The following PHKB variants were observed in gnomAD, a reference collection of about 807,000 sequenced individuals.
PHKB encodes the protein phosphorylase b kinase regulatory subunit beta.
A neutral mutation model predicts 152.1 loss-of-function variants in PHKB; 122 were observed. The ratio of observed to expected loss-of-function variants is 0.80; its 90% CI spans 0.69 to 0.93. The LOEUF (loss-of-function observed/expected upper bound fraction) is 0.93. Ranked by LOEUF, PHKB falls within the 40% of genes least tolerant of loss-of-function variation. The pLI, the probability that PHKB is intolerant of heterozygous loss-of-function variation, is 0.00. For synonymous variants in PHKB, 436 were observed against 464.9 expected, an observed-to-expected ratio of 0.94 and a Z score of 0.80; for missense variants, 1,304 against 1,328.4, an observed-to-expected ratio of 0.98 and a Z score of 0.29.
At chr16:47,624,704 G>A (rs980122397) in intron 14 of PHKB, among the ~76,000 whole-genome samples, 4 of 151,896 alleles carry the variant, frequency 2.6e-5, no homozygotes, top group Non-Finnish European at 4.4e-5. Context: ...TAAGTGCTCC[G>A]CAGCTATTCA....
At chr16:47,532,458 T>G (rs981544556) in intron 6 of PHKB, among the ~76,000 whole-genome samples, 1 of 152,218 alleles carries the variant, frequency 6.6e-6, no homozygotes, top group African/African-American at 2.4e-5. Flanking sequence ...TCCACTTGGC[T>G]CATGCTACCA....
At chr16:47,520,866 G>A (rs1970673700) in intron 6 of PHKB, among the ~76,000 whole-genome samples, 1 of 152,020 alleles carries the variant, frequency 6.6e-6, no homozygotes, top group Non-Finnish European at 1.5e-5. Flanking sequence ...TATTAATTTT[G>A]ATTAAGTCTC....
At chr16:47,617,284 A>G (rs920464137) in intron 14 of PHKB, among the ~76,000 whole-genome samples, 2 of 149,166 alleles carry the variant, frequency 1.3e-5, no homozygotes, top group Non-Finnish European at 3.0e-5. Flanking sequence ...ATATATTTAC[A>G]TATAAAACGA....
At chr16:47,500,569 A>G (rs982853828) in intron 3 of PHKB, among the ~76,000 whole-genome samples, 21 of 152,188 alleles carry the variant, frequency 1.4e-4, no homozygotes, top group African/African-American at 4.8e-4. Context: ...TTTGTTCAAA[A>G]TGATGCAACT....
intron 20 of PHKB, among the ~76,000 whole-genome samples, chr16:47,656,191 G>A (rs760342374): frequency 7.2e-5 from 11 of 151,862 alleles, no homozygotes; most frequent in Non-Finnish European, 1.3e-4. Context: ...GTAATTTTTT[G>A]TATTTTTAGT....
upstream of PHKB, chr16:47,461,314 C>A: frequency 2.6e-6 from 4 of 1,534,398 alleles, no homozygotes; most frequent in Non-Finnish European, 3.6e-6. Context: ...TGACAGGCGG[C>A]CCCGGGGGCG....
intron 6 of PHKB, among the ~76,000 whole-genome samples, chr16:47,540,058 G>C (rs1043682023): frequency 4.6e-5 from 7 of 152,174 alleles, no homozygotes; most frequent in African/African-American, 1.7e-4. Flanking sequence ...GCAAGTAGGA[G>C]AGATATCACT....
intron 13 of PHKB, chr16:47,599,010 G>T: frequency 1.2e-6 from 1 of 842,240 alleles, no homozygotes; most frequent in South Asian, 1.5e-5. Context: ...CCCTGACAGC[G>T]CCAACGATTC....
chr16:47,612,533 G>C (rs1487349395), intron 14 of PHKB, among the ~76,000 whole-genome samples: 2 of 152,208 alleles, frequency 1.3e-5, no homozygotes, highest in Non-Finnish European at 2.9e-5. Context: ...GAATTTTAAA[G>C]AGAATTCACT....
intron 1 of PHKB, among the ~76,000 whole-genome samples, chr16:47,495,167 T>G (rs186921823): frequency 2.5e-4 from 38 of 152,108 alleles, no homozygotes; most frequent in African/African-American, 8.9e-4. Flanking sequence ...TTTGTTTATT[T>G]ATTGTTGCCT....
At chr16:47,614,424 A>T (rs1447264009) in intron 14 of PHKB, among the ~76,000 whole-genome samples, 1 of 152,160 alleles carries the variant, frequency 6.6e-6, no homozygotes, top group Non-Finnish European at 1.5e-5. Context: ...CCTTTGTTTA[A>T]CCATTCACAC....
chr16:47,566,846 T>C (rs1971577302), intron 7 of PHKB: 1 of 716,474 alleles, frequency 1.4e-6, no homozygotes. Context: ...GAGAGTCTGT[T>C]AGGGAGAGAG....
At chr16:47,684,804 G>T (rs1973933356) in intron 26 of PHKB, among the ~76,000 whole-genome samples, 1 of 152,034 alleles carries the variant, frequency 6.6e-6, no homozygotes, top group Non-Finnish European at 1.5e-5. Context: ...TTTTTAAAAG[G>T]ATAAGCTTAT....
chr16:47,686,345 C>T (rs562704413), intron 26 of PHKB, among the ~76,000 whole-genome samples: 7 of 152,250 alleles, frequency 4.6e-5, no homozygotes, highest in African/African-American at 1.7e-4. Context: ...GAAGATACCT[C>T]CTGAAGTTAA....
intron 26 of PHKB, among the ~76,000 whole-genome samples, chr16:47,682,806 G>A (rs1597177646): frequency 6.6e-6 from 1 of 152,228 alleles, no homozygotes; most frequent in South Asian, 2.1e-4. Flanking sequence ...TTGCTGGTGA[G>A]GAGCTGCATT....
intron 7 of PHKB, among the ~76,000 whole-genome samples, chr16:47,550,186 A>G (rs1971246719): frequency 6.6e-6 from 1 of 152,146 alleles, no homozygotes; most frequent in Non-Finnish European, 1.5e-5. Flanking sequence ...GAGAGAGTTG[A>G]ACTCCATGTG....
chr16:47,632,871 G>A (rs978539871), intron 14 of PHKB, among the ~76,000 whole-genome samples: 2 of 152,082 alleles, frequency 1.3e-5, no homozygotes, highest in Admixed American at 1.3e-4. Context: ...TTAAAAACTA[G>A]AATCTAGACA....
chr16:47,503,008 A>G lies in PHKB; in HGVS notation c.323A>G (p.Lys108Arg). 6.2e-7 allele frequency: 1 copy of G among 1,612,738 alleles called. No individual in the cohort carries two copies. The highest frequency in any genetic ancestry group is 8.5e-7 in the Non-Finnish European group (1 of 1,178,722). ...ALAYRRIDDD[K>R]GRTHELEHSA... ...TCACCCAGGCGAATTGATGATGACA[A>G]GGGAAGGACCCATGAGCTGGAGCAC... Residue 108 changes from lysine (K) to arginine (R), a missense_variant, in exon 4 of 31, where the codon AAG becomes AGG. Transcript: ENST00000323584.
At chr16:47,496,460 A>G (rs1205733967) in intron 1 of PHKB, among the ~76,000 whole-genome samples, 3 of 152,004 alleles carry the variant, frequency 2.0e-5, no homozygotes, top group Non-Finnish European at 4.4e-5. Flanking sequence ...TTCTTTAAAA[A>G]CAGAATCTTA....
Sources: gnomAD v4.1 joint callset for allele counts (sites outside exome capture counted in the v4.1 genomes callset) on GRCh38, gnomAD v4.1.1 for gene constraint, MANE v1.5 for transcripts, NCBI Gene and HGNC (gene_info 2026-07-23, HGNC 2026-07-21) for gene names.